The following DSCAM variants were observed in gnomAD, a reference collection of about 807,000 sequenced individuals.
DSCAM encodes the protein DS cell adhesion molecule, also known as cell adhesion molecule DSCAM.
In DSCAM, 47 loss-of-function variants were observed where a neutral mutation model predicts 217.7. The observed-to-expected ratio is 0.22, with a 90% CI of 0.17 to 0.28. The LOEUF (loss-of-function observed/expected upper bound fraction) is 0.28. Ranked by LOEUF, DSCAM falls within the 10% of genes least tolerant of loss-of-function variation. The pLI, the probability that DSCAM is intolerant of heterozygous loss-of-function variation, is 1.00. For synonymous variants in DSCAM, 1,056 were observed against 1,015.3 expected, an observed-to-expected ratio of 1.04 and a Z score of -0.76; for missense variants, 2,080 against 2,618.3, an observed-to-expected ratio of 0.79 and a Z score of 4.49.
At chr21:40,719,375 G>A (rs753618805) in intron 1 of DSCAM, among the ~76,000 whole-genome samples, 61 of 152,268 alleles carry the variant, frequency 4.0e-4, no homozygotes, top group Non-Finnish European at 6.8e-4. Flanking sequence ...TAAATCAGTA[G>A]TTATTGTGGA....
At chr21:40,269,844 A>G (rs1293758007) in intron 11 of DSCAM, among the ~76,000 whole-genome samples, 6 of 152,182 alleles carry the variant, frequency 3.9e-5, no homozygotes, top group Non-Finnish European at 8.8e-5. Context: ...CCTCATCTTC[A>G]CTAATTATAC....
intron 3 of DSCAM, among the ~76,000 whole-genome samples, chr21:40,461,754 C>T (rs1332401241): frequency 1.3e-5 from 2 of 152,148 alleles, no homozygotes; most frequent in African/African-American, 4.8e-5. Context: ...TGGAAGCAAG[C>T]ATCAGAGCCG....
intron 15 of DSCAM, among the ~76,000 whole-genome samples, chr21:40,171,499 C>T (rs1053307666): frequency 6.6e-6 from 1 of 151,776 alleles, no homozygotes; most frequent in Non-Finnish European, 1.5e-5. Context: ...ACCAATGCTG[C>T]CATGATTTGT....
chr21:40,051,902 A>G, intron 30 of DSCAM, 56 bp downstream of exon 30: 2 of 1,551,414 alleles, frequency 1.3e-6, no homozygotes, highest in African/African-American at 2.7e-5. Context: ...AAAGAACATT[A>G]CTATGTTTTC....
intron 3 of DSCAM, among the ~76,000 whole-genome samples, chr21:40,477,295 T>A (rs1161139126): frequency 4.6e-5 from 7 of 151,484 alleles, no homozygotes; most frequent in Non-Finnish European, 1.0e-4. Context: ...TAACAAAAGA[T>A]AAGAACCAGA....
intron 11 of DSCAM, among the ~76,000 whole-genome samples, chr21:40,254,878 T>C (rs1350830334): frequency 6.6e-6 from 1 of 151,910 alleles, no homozygotes; most frequent in Non-Finnish European, 1.5e-5. Context: ...CTTTCCCTTA[T>C]CTCTCACGTG....
chr21:40,076,021 C>A (rs78904730), intron 26 of DSCAM, among the ~76,000 whole-genome samples: 1 of 152,072 alleles, frequency 6.6e-6, no homozygotes, highest in Non-Finnish European at 1.5e-5. Context: ...AGATGCTCCA[C>A]GCCACTGCAC....
At chr21:40,216,140 C>T (rs577752165) in intron 11 of DSCAM, among the ~76,000 whole-genome samples, 23 of 152,258 alleles carry the variant, frequency 1.5e-4, no homozygotes, top group Admixed American at 1.0e-3. Flanking sequence ...CAGGATCTCT[C>T]TGTCACCCAG....
intron 28 of DSCAM, among the ~76,000 whole-genome samples, chr21:40,059,877 C>G (rs75254829): frequency 0.021 from 3,225 of 152,208 alleles, 117 homozygotes; most frequent in African/African-American, 0.074. Flanking sequence ...GGTAGCTGTT[C>G]AGTATCTTTC....
rs780478714 is a variant in DSCAM, at chr21:40,369,232, G to A, written c.522C>T (p.Leu174=). 5 of 1,608,072 alleles carry A rather than the reference G, an allele frequency of 3.1e-6. No homozygotes were observed. The highest frequency in any genetic ancestry group is 2.2e-5 in the East Asian group (1 of 44,740). Residue 174 remains leucine (L), a synonymous_variant, in exon 4 of 33, where the codon CTC becomes CTT. Transcript: ENST00000400454. ...TVSLVSGSRF[L]ITSTGALYIK... is the part of the protein sequence containing the mutation. ...TATACAAGGCTCCCGTGGATGTGAT[G>A]AGAAATCTAGATCCTGAAATAGAGG...
intron 32 of DSCAM, among the ~76,000 whole-genome samples, chr21:40,015,151 G>T (rs900487895): frequency 1.3e-5 from 2 of 152,020 alleles, no homozygotes; most frequent in African/African-American, 2.4e-5. Context: ...TTTCCATTTT[G>T]CTCTTTCTCC....
chr21:40,724,050 G>A (rs575907389), intron 1 of DSCAM, among the ~76,000 whole-genome samples: 55 of 152,184 alleles, frequency 3.6e-4, no homozygotes, highest in Admixed American at 7.2e-4. Context: ...AGAGATAAAA[G>A]TCTCTCCATC....
intron 28 of DSCAM, among the ~76,000 whole-genome samples, chr21:40,056,187 G>A (rs1439086402): frequency 2.0e-5 from 3 of 152,206 alleles, no homozygotes; most frequent in African/African-American, 7.2e-5. Flanking sequence ...TTTGTCAGAT[G>A]TGAGATATTC....
chr21:40,537,433 T>C (rs1278429794), intron 3 of DSCAM, among the ~76,000 whole-genome samples: 1 of 152,160 alleles, frequency 6.6e-6, no homozygotes, highest in Non-Finnish European at 1.5e-5. Flanking sequence ...TGACATCTAA[T>C]GCCTCAAGAA....
At chr21:40,797,224 T>C (rs979052378) in intron 1 of DSCAM, among the ~76,000 whole-genome samples, 2 of 152,188 alleles carry the variant, frequency 1.3e-5, no homozygotes, top group East Asian at 3.8e-4. Flanking sequence ...ATGAGTGACA[T>C]TGACCATTAA....
chr21:40,503,992 T>C (rs1206939928), intron 3 of DSCAM, among the ~76,000 whole-genome samples: 1 of 152,186 alleles, frequency 6.6e-6, no homozygotes, highest in African/African-American at 2.4e-5. Context: ...ATCAGAAAGA[T>C]GCTATTGGAT....
chr21:40,168,331 C>T (rs535718522), intron 15 of DSCAM, among the ~76,000 whole-genome samples: 3 of 152,186 alleles, frequency 2.0e-5, no homozygotes, highest in South Asian at 4.2e-4. Context: ...AAATGTGCTA[C>T]CTACTAGGTA....
chr21:40,581,250 C>T lies in DSCAM; in HGVS notation c.508+111560G>A, dbSNP rs76799376. 7.4e-3 allele frequency among the ~76,000 whole-genome samples: 1,126 copies of T among 152,226 alleles called. 14 individuals are homozygous for T. Among genetic ancestry groups the T allele is most frequent in the African/African-American group, 0.025 (1,043 of 41,514 alleles). ...AGGTGGCGGGAAACCTAGTTTTAGTCCCCACCCTCAGGACTGAGACCACCT... is the reference window on the plus strand; with the variant it reads ...AGGTGGCGGGAAACCTAGTTTTAGTTCCCACCCTCAGGACTGAGACCACCT... On this transcript the variant is annotated intron_variant, in intron 3 of 32. Transcript: ENST00000400454.
intron 1 of DSCAM, among the ~76,000 whole-genome samples, chr21:40,775,736 C>T (rs1601244852): frequency 6.6e-6 from 1 of 152,278 alleles, no homozygotes; most frequent in East Asian, 1.9e-4. Flanking sequence ...CGTCGGCATC[C>T]CTGGTTCTCA....
Sources: gnomAD v4.1 joint callset for allele counts (sites outside exome capture counted in the v4.1 genomes callset) on GRCh38, gnomAD v4.1.1 for gene constraint, MANE v1.5 for transcripts, NCBI Gene and HGNC (gene_info 2026-07-23, HGNC 2026-07-21) for gene names.